The following SLIT3 variants were observed in gnomAD, a reference collection of about 807,000 sequenced individuals.
SLIT3 encodes the protein slit guidance ligand 3.
A neutral mutation model predicts 184.0 loss-of-function variants in SLIT3; 68 were observed. That is an observed-to-expected ratio of 0.37 (90% CI 0.30 to 0.45). SLIT3 has a LOEUF of 0.45. SLIT3 is among the 20% of genes least tolerant of loss of function. The pLI is 1.00. For missense variants in SLIT3, 1,707 were observed against 2,026.0 expected, an observed-to-expected ratio of 0.84 and a Z score of 3.02; for synonymous variants, 831 against 828.6, an observed-to-expected ratio of 1.00 and a Z score of -0.05.
chr5:169,152,707 G>C (rs1013627366), intron 4 of SLIT3, among the ~76,000 whole-genome samples: 4 of 152,172 alleles, frequency 2.6e-5, no homozygotes, highest in African/African-American at 9.7e-5. Context: ...AATACCATCA[G>C]TGATAGAAAA....
intron 12 of SLIT3, among the ~76,000 whole-genome samples, chr5:168,781,552 A>T (rs941657269): frequency 6.6e-6 from 1 of 152,260 alleles, no homozygotes; most frequent in South Asian, 2.1e-4. Context: ...TCCCACCTCG[A>T]TTGGGTCTCT....
intron 4 of SLIT3, among the ~76,000 whole-genome samples, chr5:169,157,985 C>T (rs907542317): frequency 6.6e-6 from 1 of 151,172 alleles, no homozygotes; most frequent in Non-Finnish European, 1.5e-5. Context: ...TGAACAGAGC[C>T]CCAGGGATCA....
intron 29 of SLIT3, among the ~76,000 whole-genome samples, chr5:168,689,629 C>T (rs771628931): frequency 2.2e-4 from 33 of 152,240 alleles, no homozygotes; most frequent in Non-Finnish European, 4.8e-4. Context: ...TGTGATCTTT[C>T]TTTTGGCTAT....
At chr5:168,951,896 G>T (rs370941410) in intron 4 of SLIT3, among the ~76,000 whole-genome samples, 15 of 152,286 alleles carry the variant, frequency 9.8e-5, no homozygotes, top group Admixed American at 9.8e-4. Context: ...GCACAGGGCT[G>T]TTAGGGATGT....
chr5:168,916,730 G>C (rs1419162132), intron 4 of SLIT3, among the ~76,000 whole-genome samples: 1 of 152,164 alleles, frequency 6.6e-6, no homozygotes, highest in Non-Finnish European at 1.5e-5. Flanking sequence ...ATCACAACTT[G>C]CTTCCATTTA....
intron 3 of SLIT3, among the ~76,000 whole-genome samples, chr5:169,230,203 G>T (rs17071002): frequency 6.6e-6 from 1 of 152,054 alleles, no homozygotes; most frequent in Non-Finnish European, 1.5e-5. Context: ...ACTGAACAAT[G>T]ATTAACCCCA....
At chr5:168,811,763 G>C (rs1007308059) in intron 8 of SLIT3, among the ~76,000 whole-genome samples, 1 of 152,242 alleles carries the variant, frequency 6.6e-6, no homozygotes, top group Non-Finnish European at 1.5e-5. Flanking sequence ...TACACTGTTG[G>C]TGAGAATGTC....
chr5:168,721,744 C>T (rs1016567626), intron 23 of SLIT3, among the ~76,000 whole-genome samples: 1 of 152,166 alleles, frequency 6.6e-6, no homozygotes, highest in East Asian at 1.9e-4. Flanking sequence ...ACTCTATGAG[C>T]CAACCCCACA....
chr5:169,016,120 G>A (rs1756366815), intron 4 of SLIT3, among the ~76,000 whole-genome samples: 2 of 152,126 alleles, frequency 1.3e-5, no homozygotes, highest in South Asian at 4.2e-4. Flanking sequence ...AGCAAATTAG[G>A]AATTTTCTTC....
At chr5:169,064,075 A>T (rs2113103865) in intron 4 of SLIT3, among the ~76,000 whole-genome samples, 1 of 152,338 alleles carries the variant, frequency 6.6e-6, no homozygotes, top group Non-Finnish European at 1.5e-5. Context: ...TAAGGCCTGA[A>T]ACCAGCCCAT....
intron 4 of SLIT3, among the ~76,000 whole-genome samples, chr5:169,096,167 T>C (rs897897920): frequency 6.6e-6 from 1 of 152,246 alleles, no homozygotes; most frequent in Admixed American, 6.5e-5. Flanking sequence ...CAATCCCTAC[T>C]GGAAATTTTT....
intron 4 of SLIT3, among the ~76,000 whole-genome samples, chr5:169,075,499 G>C (rs1175489995): frequency 6.6e-6 from 1 of 152,172 alleles, no homozygotes; most frequent in Non-Finnish European, 1.5e-5. Flanking sequence ...ATTTTGTTAA[G>C]AAACACTTGC....
chr5:168,844,759 T>A, intron 5 of SLIT3, 104 bp from the exon 6 acceptor site: 2 of 976,084 alleles, frequency 2.0e-6, no homozygotes, highest in Non-Finnish European at 3.2e-6. Flanking sequence ...TTGCAGGCGC[T>A]GCTGGTCCCC....
chr5:168,889,730 T>G lies in SLIT3; in HGVS notation c.414-6394A>C, dbSNP rs540984137. Reference sequence around the variant, plus strand: ...TGTTCCACTATGGTTGAAGTTGAGATAGAAAAGTGGATAGTCCTAAGTTTC... The same window carrying G: ...TGTTCCACTATGGTTGAAGTTGAGAGAGAAAAGTGGATAGTCCTAAGTTTC... On this transcript the variant is annotated intron_variant, in intron 4 of 35. Transcript: ENST00000519560. Among the ~76,000 whole-genome samples, 7 of 152,346 alleles carry G rather than the reference T, an allele frequency of 4.6e-5. No individual in the cohort carries two copies. The South Asian group carries it at 1.2e-3, about 27-fold the overall frequency.
intron 4 of SLIT3, among the ~76,000 whole-genome samples, chr5:169,014,128 T>G (rs1581305062): frequency 2.2e-5 from 2 of 91,302 alleles, no homozygotes; most frequent in African/African-American, 6.1e-5. Flanking sequence ...GGCAGGCAGG[T>G]TGGTTATGTT....
intron 8 of SLIT3, among the ~76,000 whole-genome samples, chr5:168,809,857 C>T (rs1159947449): frequency 6.6e-6 from 1 of 152,174 alleles, no homozygotes; most frequent in East Asian, 1.9e-4. Context: ...AGGGAAGCTT[C>T]CTGAGTTTTG....
chr5:169,099,835 A>G (rs1313683230), intron 4 of SLIT3, among the ~76,000 whole-genome samples: 1 of 152,214 alleles, frequency 6.6e-6, no homozygotes, highest in African/African-American at 2.4e-5. Context: ...GAAGGCAGGC[A>G]ATGTTGCAAG....
intron 3 of SLIT3, among the ~76,000 whole-genome samples, chr5:169,202,545 T>C (rs1372004998): frequency 6.6e-6 from 1 of 152,178 alleles, no homozygotes; most frequent in South Asian, 2.1e-4. Flanking sequence ...CTTGCCATTC[T>C]GCTTCTCTAA....
intron 4 of SLIT3, among the ~76,000 whole-genome samples, chr5:168,900,328 C>G (rs1457777145): frequency 6.6e-6 from 1 of 152,116 alleles, no homozygotes; most frequent in Non-Finnish European, 1.5e-5. Context: ...TAAAAAGATA[C>G]TTATGGCCTG....
Sources: gnomAD v4.1 joint callset for allele counts (sites outside exome capture counted in the v4.1 genomes callset) on GRCh38, gnomAD v4.1.1 for gene constraint, MANE v1.5 for transcripts, NCBI Gene and HGNC (gene_info 2026-07-23, HGNC 2026-07-21) for gene names.